Variants in ROBO1 observed in about 807,000 individuals in gnomAD.
ROBO1 encodes roundabout guidance receptor 1.
Under a neutral mutation model 195.9 loss-of-function variants are expected in ROBO1, and 149 were observed. The observed-to-expected ratio is 0.76, with a 90% CI of 0.67 to 0.87. The LOEUF (loss-of-function observed/expected upper bound fraction) is 0.87, where lower values mean the gene tolerates loss of function less well. Ranked by LOEUF, ROBO1 falls within the 40% of genes least tolerant of loss-of-function variation. The pLI, the probability that ROBO1 is intolerant of heterozygous loss-of-function variation, is 0.00. For missense variants in ROBO1, 1,933 were observed against 2,068.3 expected, an observed-to-expected ratio of 0.93 and a Z score of 1.27; for synonymous variants, 816 against 733.2, an observed-to-expected ratio of 1.11 and a Z score of -1.82.
At chr3:79,043,381 A>T (rs116068862) in intron 3 of ROBO1, among the ~76,000 whole-genome samples, 2 of 152,184 alleles carry the variant, frequency 1.3e-5, no homozygotes, top group East Asian at 1.9e-4. Flanking sequence ...ATTTTTAATT[A>T]AAAAAATTCT....
chr3:79,290,330 C>T (rs1021643270), intron 2 of ROBO1, among the ~76,000 whole-genome samples: 1 of 151,992 alleles, frequency 6.6e-6, no homozygotes, highest in African/African-American at 2.4e-5. Context: ...CTGTGCCTGG[C>T]CTACCTCCTT....
chr3:79,244,760 G>T (rs2082591693), intron 2 of ROBO1, among the ~76,000 whole-genome samples: 1 of 151,944 alleles, frequency 6.6e-6, no homozygotes, highest in South Asian at 2.1e-4. Context: ...ACTGTATTCT[G>T]TATTTGAATA....
intron 3 of ROBO1, among the ~76,000 whole-genome samples, chr3:79,073,766 T>C (rs1363695883): frequency 1.3e-5 from 2 of 151,756 alleles, no homozygotes; most frequent in Middle Eastern, 3.2e-3. Context: ...GTGCTTTTAA[T>C]GTTTTGCAAA....
chr3:79,097,112 C>A (rs929532574), intron 3 of ROBO1, among the ~76,000 whole-genome samples: 1 of 151,712 alleles, frequency 6.6e-6, no homozygotes, highest in Non-Finnish European at 1.5e-5. Context: ...ATAGACACAG[C>A]GAATACTAAA....
At chr3:79,493,487 A>C (rs1172133792) in intron 2 of ROBO1, among the ~76,000 whole-genome samples, 2 of 152,092 alleles carry the variant, frequency 1.3e-5, no homozygotes, top group East Asian at 3.8e-4. Flanking sequence ...AAAATAAATA[A>C]AAGTATGTAA....
At chr3:79,329,802 C>T (rs1004274255) in intron 2 of ROBO1, among the ~76,000 whole-genome samples, 2 of 152,100 alleles carry the variant, frequency 1.3e-5, no homozygotes, top group African/African-American at 4.8e-5. Context: ...TAATACTTTA[C>T]CTGTAATATT....
chr3:79,434,095 C>A (rs1477308825), intron 2 of ROBO1, among the ~76,000 whole-genome samples: 2 of 152,138 alleles, frequency 1.3e-5, no homozygotes, highest in Non-Finnish European at 2.9e-5. Flanking sequence ...AAATGTTAGA[C>A]CTAAAACAAT....
chr3:79,390,888 G>T (rs1043112922), intron 2 of ROBO1, among the ~76,000 whole-genome samples: 1 of 152,118 alleles, frequency 6.6e-6, no homozygotes, highest in African/African-American at 2.4e-5. Context: ...TAACTGAACA[G>T]CTGTGTTATG....
chr3:79,352,670 A>T (rs2109271467), intron 2 of ROBO1, among the ~76,000 whole-genome samples: 1 of 152,256 alleles, frequency 6.6e-6, no homozygotes, highest in African/African-American at 2.4e-5. Flanking sequence ...CCCTCCACCC[A>T]GCCGCCTTCT....
chr3:79,406,277 A>G (rs946887712), intron 2 of ROBO1, among the ~76,000 whole-genome samples: 1 of 151,506 alleles, frequency 6.6e-6, no homozygotes, highest in African/African-American at 2.4e-5. Context: ...TAAAAAAAAA[A>G]GTTAACCAGG....
Position 79,086,208 on chromosome 3 carries a change from A to G in ROBO1, c.172+39248T>C, listed in dbSNP as rs199688000. Among the ~76,000 whole-genome samples the G allele has an allele frequency of 3.3e-5, 5 of 152,150 alleles. No homozygotes were observed. The East Asian group carries it at 9.7e-4, about 29-fold the overall frequency. ...GTCCCTCAAAAGCTTCCGTGTAGTA[A>G]AGAATTAAAGGTAGTAATGCTAATG... On this transcript the variant is annotated intron_variant, in intron 3 of 30. Transcript: ENST00000464233.
Position 78,711,419 on chromosome 3 carries a change from C to CTTTCTTTCTT in ROBO1, c.1045+2968_1045+2977dup. Among the ~76,000 whole-genome samples, 2 of 96,392 alleles carry CTTTCTTTCTT rather than the reference C, an allele frequency of 2.1e-5. 1 individual carries two copies. The highest frequency in any genetic ancestry group is 4.0e-5 in the Non-Finnish European group (2 of 50,472). 63.2% of individuals were successfully genotyped at this position (96,392 alleles called of 152,430 possible). On this transcript the variant is annotated intron_variant, in intron 8 of 30. Coordinates refer to ENST00000464233, the MANE Select transcript of ROBO1 (RefSeq NM_002941.4). ...CCTTCCTTTCTTTCTTTCTTTCTTT[C>CTTTCTTTCTT]TTTCTTTCTTTCTTTCTTTCTTTCC... is the stretch of plus-strand genomic sequence containing the variant.
chr3:79,766,999 C>T (rs1270937207), intron 1 of ROBO1, among the ~76,000 whole-genome samples: 1 of 152,094 alleles, frequency 6.6e-6, no homozygotes, highest in Non-Finnish European at 1.5e-5. Context: ...CCCTCAAAGT[C>T]CCCGCTGGCT....
At chr3:78,998,220 T>C (rs1005781824) in intron 3 of ROBO1, among the ~76,000 whole-genome samples, 1 of 152,184 alleles carries the variant, frequency 6.6e-6, no homozygotes, top group Non-Finnish European at 1.5e-5. Flanking sequence ...GAAATAACCA[T>C]TTCCTTTAAT....
intron 1 of ROBO1, among the ~76,000 whole-genome samples, chr3:79,670,392 C>CA (rs1946598018): frequency 6.9e-6 from 1 of 145,696 alleles, no homozygotes; most frequent in South Asian, 2.1e-4. Context: ...GCATCTTAAG[C>CA]AAAAAATTCT....
At chr3:79,225,405 A>C (rs1232604805) in intron 2 of ROBO1, among the ~76,000 whole-genome samples, 1 of 152,214 alleles carries the variant, frequency 6.6e-6, no homozygotes, top group Non-Finnish European at 1.5e-5. Flanking sequence ...GCTAGCATAG[A>C]AACTATCCCT....
chr3:78,782,694 T>C (rs2083714569), intron 4 of ROBO1, among the ~76,000 whole-genome samples: 1 of 152,210 alleles, frequency 6.6e-6, no homozygotes, highest in Admixed American at 6.5e-5. Flanking sequence ...TTTTAAACCT[T>C]CATTAAATTT....
At chr3:78,672,685 T>TGAAGTA in intron 10 of ROBO1, among the ~76,000 whole-genome samples, 1 of 152,012 alleles carries the variant, frequency 6.6e-6, no homozygotes, top group Non-Finnish European at 1.5e-5. Context: ...TTTGATGTCA[T>TGAAGTA]GAAGTAGAAT....
In ROBO1 at chr3:79,571,898, C is replaced by A. The variant is rs1046893817; in HGVS notation, c.88+17926G>T. ...TCCTAAATTTAATGTTCTCTTCTGG[C>A]CTTTTGTAATGATTTCAGAGACTAA... On this transcript the variant is annotated intron_variant, in intron 2 of 30. Coordinates refer to ENST00000464233, the MANE Select transcript of ROBO1 (RefSeq NM_002941.4). 4.0e-5 allele frequency among the ~76,000 whole-genome samples: 6 copies of A among 151,808 alleles called. No homozygotes were observed. In the East Asian group the frequency reaches 1.2e-3, roughly 29 times the overall value.
Sources: allele counts gnomAD v4.1 joint callset (sites outside exome capture counted in the v4.1 genomes callset), GRCh38; gene constraint gnomAD v4.1.1; transcripts MANE v1.5; gene names NCBI Gene and HGNC (gene_info 2026-07-23, HGNC 2026-07-21).